Variants in TENM3 observed in about 807,000 individuals in gnomAD.
TENM3 encodes teneurin transmembrane protein 3, also known as teneurin-3.
A neutral mutation model predicts 255.1 loss-of-function variants in TENM3; 63 were observed. The ratio of observed to expected loss-of-function variants is 0.25; its 90% confidence interval spans 0.20 to 0.30. The LOEUF (loss-of-function observed/expected upper bound fraction) is 0.30, where lower values mean the gene tolerates loss of function less well. Among genes scored for constraint, TENM3 ranks in the 10% least tolerant of loss-of-function variants. The pLI is 1.00. For missense variants in TENM3, 2,929 were observed against 3,461.1 expected, an observed-to-expected ratio of 0.85 and a Z score of 3.86; for synonymous variants, 1,306 against 1,322.3, an observed-to-expected ratio of 0.99 and a Z score of 0.27.
At chr4:181,533,030 G>A in the TENM3 span, among the ~76,000 whole-genome samples, 8 of 152,072 alleles carry the variant, frequency 5.3e-5, no homozygotes, top group Admixed American at 3.3e-4. Context: ...CAAACGTGAA[G>A]ACATGGCTTT....
chr4:182,075,345 C>G, the TENM3 span, among the ~76,000 whole-genome samples: 1 of 151,888 alleles, frequency 6.6e-6, no homozygotes, highest in Non-Finnish European at 1.5e-5. Flanking sequence ...ACTACAGGCA[C>G]ATGTCACCAC....
chr4:181,866,753 T>G, the TENM3 span, among the ~76,000 whole-genome samples: 1 of 152,182 alleles, frequency 6.6e-6, no homozygotes, highest in Non-Finnish European at 1.5e-5. Flanking sequence ...TTTTAAAGCA[T>G]TCTGCGTTTG....
At chr4:181,932,469 A>G in the TENM3 span, among the ~76,000 whole-genome samples, 3 of 152,256 alleles carry the variant, frequency 2.0e-5, no homozygotes, top group African/African-American at 7.2e-5. Context: ...ATGAGATACC[A>G]TCTCACGCCA....
chr4:181,680,923 G>A, the TENM3 span, among the ~76,000 whole-genome samples: 7 of 152,152 alleles, frequency 4.6e-5, no homozygotes, highest in East Asian at 1.4e-3. Flanking sequence ...CATGCAGAGA[G>A]CCTATAGAAA....
intron 5 of TENM3, among the ~76,000 whole-genome samples, chr4:182,645,858 A>G (rs190305895): frequency 1.3e-5 from 2 of 152,340 alleles, no homozygotes; most frequent in Non-Finnish European, 2.9e-5. Flanking sequence ...TATGCTTTCC[A>G]TTGTAAGCAA....
the TENM3 span, among the ~76,000 whole-genome samples, chr4:181,745,404 C>T: frequency 1.5e-4 from 23 of 152,130 alleles, no homozygotes; most frequent in South Asian, 1.7e-3. Flanking sequence ...TAGCTGTAGA[C>T]GGAAGAAGGG....
At chr4:181,608,329 A>G in the TENM3 span, among the ~76,000 whole-genome samples, 11 of 152,188 alleles carry the variant, frequency 7.2e-5, no homozygotes, top group African/African-American at 2.7e-4. Flanking sequence ...TGTTTTGACA[A>G]ATTGAAATCT....
At chr4:182,371,218 TCTC>T (rs1766782242) in intron 3 of TENM3, among the ~76,000 whole-genome samples, 2 of 117,618 alleles carry the variant, frequency 1.7e-5, no homozygotes, top group Non-Finnish European at 3.5e-5. Context: ...CCTCAAAAAT[TCTC>T]CTCCCCATCA....
intron 25 of TENM3, among the ~76,000 whole-genome samples, chr4:182,791,082 A>G (rs561658890): frequency 6.6e-6 from 1 of 152,250 alleles, no homozygotes; most frequent in Non-Finnish European, 1.5e-5. Flanking sequence ...ACCACCATCA[A>G]ATATGACTTC....
the TENM3 span, among the ~76,000 whole-genome samples, chr4:181,550,706 A>G: frequency 1.3e-5 from 2 of 152,206 alleles, no homozygotes; most frequent in Non-Finnish European, 2.9e-5. Flanking sequence ...AGTCTTTTAT[A>G]TGTCATTAAA....
intron 3 of TENM3, among the ~76,000 whole-genome samples, chr4:182,381,199 G>C (rs1767538540): frequency 6.6e-6 from 1 of 152,226 alleles, no homozygotes; most frequent in Non-Finnish European, 1.5e-5. Context: ...TCCCCCGACA[G>C]GGGGAAGTCA....
the TENM3 span, among the ~76,000 whole-genome samples, chr4:181,901,288 C>G: frequency 6.6e-6 from 1 of 152,192 alleles, no homozygotes; most frequent in Non-Finnish European, 1.5e-5. Context: ...ACCATATCCA[C>G]TACTCACGCC....
the TENM3 span, among the ~76,000 whole-genome samples, chr4:181,923,830 A>G: frequency 2.0e-5 from 3 of 152,174 alleles, no homozygotes; most frequent in Non-Finnish European, 4.4e-5. Flanking sequence ...TTTTTAATAT[A>G]TGGAGGTAAG....
At chr4:182,029,922 G>A in the TENM3 span, among the ~76,000 whole-genome samples, 1 of 142,970 alleles carries the variant, frequency 7.0e-6, no homozygotes, top group South Asian at 2.1e-4. Context: ...TATTCAGGTT[G>A]GAGAGAGTTA....
the TENM3 span, among the ~76,000 whole-genome samples, chr4:181,792,761 A>C: frequency 6.6e-6 from 1 of 152,152 alleles, no homozygotes; most frequent in Non-Finnish European, 1.5e-5. Flanking sequence ...ACTTGTTTTC[A>C]AAACCCTCCT....
intron 3 of TENM3, among the ~76,000 whole-genome samples, chr4:182,538,722 G>A (rs747016959): frequency 8.5e-5 from 13 of 152,092 alleles, no homozygotes; most frequent in Admixed American, 2.6e-4. Context: ...AGAAGTGGGT[G>A]GGTGTTGGAA....
chr4:182,731,316 C>T (rs1351930237), intron 16 of TENM3, among the ~76,000 whole-genome samples, 177 bp downstream of exon 16: 2 of 151,844 alleles, frequency 1.3e-5, no homozygotes, highest in Non-Finnish European at 1.5e-5. Context: ...CCAGCCTGGC[C>T]AACATAGTGA....
intron 5 of TENM3, among the ~76,000 whole-genome samples, chr4:182,642,982 G>A (rs982571306): frequency 6.6e-5 from 10 of 152,100 alleles, no homozygotes; most frequent in East Asian, 1.9e-4. Context: ...CTGTCAACAC[G>A]TATATGAACA....
At chr4:182,631,541 C>A (rs1282631761) in intron 5 of TENM3, 1 of 152,164 alleles carries the variant, frequency 6.6e-6, no homozygotes, top group African/African-American at 2.4e-5. Context: ...CAGGACACTT[C>A]TCTCAGGGAA....
Sources: gnomAD v4.1 joint callset for allele counts (sites outside exome capture counted in the v4.1 genomes callset) on GRCh38, gnomAD v4.1.1 for gene constraint, MANE v1.5 for transcripts, NCBI Gene and HGNC (gene_info 2026-07-23, HGNC 2026-07-21) for gene names.